The following PSMC3 variants were observed in gnomAD, a reference collection of about 807,000 sequenced individuals.
PSMC3 encodes the protein proteasome 26S subunit, ATPase 3, also known as 26S proteasome regulatory subunit 6A.
In PSMC3, 11 loss-of-function variants were observed where a neutral mutation model predicts 52.0. The observed-to-expected ratio is 0.21, with a 90% confidence interval of 0.13 to 0.35. The LOEUF (loss-of-function observed/expected upper bound fraction) is 0.35, where lower values mean the gene tolerates loss of function less well. Ranked by LOEUF, PSMC3 falls within the 10% of genes least tolerant of loss-of-function variation. The probability of loss-of-function intolerance (pLI) is 1.00; values close to 1 mark genes in which losing one functional copy is unlikely to be tolerated. For synonymous variants in PSMC3, 201 were observed against 218.8 expected (o/e 0.92, Z 0.72); for missense variants, 238 against 567.1 (o/e 0.42, Z 5.89).
At chr11:47,425,791 A>T in intron 2 of PSMC3, 76 bp downstream of exon 2, 1 of 1,329,958 alleles carries the variant, frequency 7.5e-7, no homozygotes, top group Non-Finnish European at 1.1e-6. Flanking sequence ...CCGATTAGGA[A>T]GTACGAGAGG....
At position 47,423,456 on chromosome 11, in the gene PSMC3, T is replaced by C. The variant is rs138504870; in HGVS notation, c.592-483A>G. On this transcript the variant is annotated intron_variant, in intron 6 of 11. Transcript: ENST00000298852. ...CACTCATCCCCACCCAGGCTGGCTA[T>C]GGACTCTCCAGGAACGGGAGTATAT... 4.5e-3 allele frequency among the ~76,000 whole-genome samples: 673 copies of C among 150,274 alleles called. 1 individual carries two copies. Among genetic ancestry groups the C allele is most frequent in the African/African-American group, 0.016 (657 of 40,946 alleles).
chr11:47,422,558 C>T lies in PSMC3; in HGVS notation c.884+16G>A, dbSNP rs1177459738. ...ACCGCCACAGAGATCGCTAGGGACCCTTGGCCCTCCCTTACCGCTTGGTGC... is the reference window on the plus strand; with the variant it reads ...ACCGCCACAGAGATCGCTAGGGACCTTTGGCCCTCCCTTACCGCTTGGTGC... On this transcript the variant is annotated intron_variant, in intron 8 of 11. Transcript: ENST00000298852. The surrounding 1 kb of genome is among the most constrained non-coding windows in gnomAD (Gnocchi z 4.3). The T allele has an allele frequency of 1.2e-6, 2 of 1,613,882 alleles. No individual in the cohort carries two copies. The highest frequency in any genetic ancestry group is 1.7e-6 in the Non-Finnish European group (2 of 1,179,864).
At position 47,425,967 on chromosome 11, in the gene PSMC3, G is replaced by T. The variant is rs1350038190; in HGVS notation, c.76-17C>A. 6.2e-7 allele frequency: 1 copy of T among 1,602,294 alleles called. No homozygotes were observed. Among genetic ancestry groups the T allele is most frequent in the Non-Finnish European group, 8.5e-7 (1 of 1,169,696 alleles). On this transcript the variant is annotated splice_polypyrimidine_tract_variant and intron_variant, in intron 1 of 11. Transcript: ENST00000298852. ...TCCATCTTGCTGTAAAAAATTATTT[G>T]TTTATTTATATATTTACTTTTACTC...
Position 47,425,861 on chromosome 11 carries a change from G to T in PSMC3, c.159+6C>A. 5 of 1,612,188 alleles carry T rather than the reference G, an allele frequency of 3.1e-6. No individual in the cohort carries two copies. Among genetic ancestry groups the T allele is most frequent in the Non-Finnish European group, 2.5e-6 (3 of 1,178,722 alleles). ...TCCATCGCCCGCACAGGAGCTGTGC[G>T]CCCACCTTGATCTCACTGTCCAGCA... is the stretch of plus-strand genomic sequence containing the variant. On this transcript the variant is annotated splice_donor_region_variant and intron_variant, in intron 2 of 11. Coordinates refer to ENST00000298852, the MANE Select transcript of PSMC3 (RefSeq NM_002804.5).
chr11:47,420,852 C>T (rs925097842), intron 8 of PSMC3, 125 bp from the exon 9 acceptor site: 9 of 764,470 alleles, frequency 1.2e-5, no homozygotes, highest in Non-Finnish European at 1.9e-5. Context: ...CAACTTGGGG[C>T]CCCCAGCCCA....
At position 47,426,243 on chromosome 11, in the gene PSMC3, G is replaced by GAGTCACTGGACTCTCA. The variant is rs1565677298; in HGVS notation, c.21_36dup (p.Arg13Ter). 1 of 1,559,462 alleles carries GAGTCACTGGACTCTCA rather than the reference G, an allele frequency of 6.4e-7. No homozygotes were observed. Among genetic ancestry groups the GAGTCACTGGACTCTCA allele is most frequent in the Admixed American group, 1.9e-5 (1 of 51,742 alleles). ...CACACGGTCGCCATCTTCTCCTGCC[G>GAGTCACTGGACTCTCA]AGTCACTGGACTCTCAATATTCGGC... On this transcript the variant is annotated stop_gained and frameshift_variant, in exon 1 of 12. Coordinates refer to ENST00000298852, the MANE Select transcript of PSMC3 (RefSeq NM_002804.5). LOFTEE classifies it high-confidence loss of function.
At chr11:47,420,493 C>A in intron 9 of PSMC3, 84 bp from the exon 10 acceptor site, 1 of 1,547,930 alleles carries the variant, frequency 6.5e-7, no homozygotes, top group Non-Finnish European at 8.8e-7. Context: ...GAGGCAGCCC[C>A]CAGAGTGCAG....
rs1230497574 is a variant in PSMC3, at chr11:47,424,743, C to T, written c.286-32G>A. ...AGGAAAAAATACTCAGCTCCTTGAA[C>T]TCCCCAAGGCCCAGTGCTTCCTAAG... On this transcript the variant is annotated intron_variant, in intron 3 of 11. Transcript: ENST00000298852. The surrounding 1 kb of genome is among the most constrained non-coding windows in gnomAD (Gnocchi z 4.8). 6 of 1,521,406 alleles carry T rather than the reference C, an allele frequency of 3.9e-6. No individual in the cohort carries two copies. The highest frequency in any genetic ancestry group is 2.7e-5 in the African/African-American group (2 of 72,852). The allele number at this position is 1,521,406 out of a possible 1,614,324, so 94.2% of individuals were successfully genotyped here. A position where few individuals can be genotyped will look rare whatever the true frequency, so the allele number is the denominator to read the frequency against.
At position 47,420,603 on chromosome 11, in the gene PSMC3, A is replaced by G. The variant is rs557853744; in HGVS notation, c.981+28T>C. The G allele has an allele frequency of 9.7e-6, 15 of 1,546,162 alleles. No homozygotes were observed. In the South Asian group the frequency reaches 1.2e-4, roughly 12 times the overall value. On this transcript the variant is annotated intron_variant, in intron 9 of 11. Transcript: ENST00000298852. ...CAGCTCCTGACCTCTGAGCCTCATCATCTTTGCCTGGGAGTGCTAATACTC... is the reference window on the plus strand; with the variant it reads ...CAGCTCCTGACCTCTGAGCCTCATCGTCTTTGCCTGGGAGTGCTAATACTC...
In PSMC3 at chr11:47,424,979, C is replaced by T. The variant is rs920768159; in HGVS notation, c.285+142G>A. On this transcript the variant is annotated intron_variant, in intron 3 of 11. Coordinates refer to ENST00000298852, the MANE Select transcript of PSMC3 (RefSeq NM_002804.5). This position sits in a 1 kb window ranked among gnomAD's most constrained non-coding sequence, Gnocchi z 4.8. The stretch of plus-strand genomic sequence containing the variant: ...CCAGGACTTTGCAGGCCCCGTCTTC[C>T]CCATGAAAGTGCCCCAGGAGGTGTA... 1 of 1,278,158 alleles carries T rather than the reference C, an allele frequency of 7.8e-7. No individual in the cohort carries two copies. The highest frequency in any genetic ancestry group is 1.1e-6 in the Non-Finnish European group (1 of 915,114). 79.2% of individuals were successfully genotyped at this position (1,278,158 alleles called of 1,614,324 possible). A position where few individuals can be genotyped will look rare whatever the true frequency, so the allele number is the denominator to read the frequency against.
intron 2 of PSMC3, chr11:47,425,462 T>C (rs895974768): frequency 2.8e-5 from 17 of 610,474 alleles, no homozygotes; most frequent in African/African-American, 1.5e-4. Context: ...AGTGGTAGTA[T>C]TGGAATAAAA....
At chr11:47,423,263 G>A (rs938746623) in intron 6 of PSMC3, among the ~76,000 whole-genome samples, 1 of 152,084 alleles carries the variant, frequency 6.6e-6, no homozygotes, top group African/African-American at 2.4e-5. Context: ...AGCCGGGCGG[G>A]GTGGTCGGGT....
intron 3 of PSMC3, 80 bp downstream of exon 3, chr11:47,425,041 A>G (rs2096044819): frequency 2.5e-6 from 4 of 1,587,668 alleles, no homozygotes; most frequent in Non-Finnish European, 3.4e-6. Flanking sequence ...ACCTCCACCC[A>G]CTCTTTCCCT....
At chr11:47,421,445 A>G (rs2096040369) in intron 8 of PSMC3, among the ~76,000 whole-genome samples, 1 of 152,004 alleles carries the variant, frequency 6.6e-6, no homozygotes, top group Admixed American at 6.6e-5. Context: ...GAAGGTTGAA[A>G]GCACACCAGC....
chr11:47,424,734 C>T lies in PSMC3; in HGVS notation c.286-23G>A. ...GAGCTGGGAAGGAAAAAATACTCAGCTCCTTGAACTCCCCAAGGCCCAGTG... is the reference window on the plus strand; with the variant it reads ...GAGCTGGGAAGGAAAAAATACTCAGTTCCTTGAACTCCCCAAGGCCCAGTG... On this transcript the variant is annotated intron_variant, in intron 3 of 11. Coordinates refer to ENST00000298852, the MANE Select transcript of PSMC3 (RefSeq NM_002804.5). This position sits in a 1 kb window ranked among gnomAD's most constrained non-coding sequence, Gnocchi z 4.8. 1 of 1,564,846 alleles carries T rather than the reference C, an allele frequency of 6.4e-7. No individual in the cohort carries two copies. Among genetic ancestry groups the T allele is most frequent in the Non-Finnish European group, 8.8e-7 (1 of 1,135,096 alleles).
chr11:47,419,003 C>T (rs1449194553), intron 11 of PSMC3, 58 bp from the exon 12 acceptor site: 2 of 1,607,556 alleles, frequency 1.2e-6, no homozygotes, highest in Non-Finnish European at 1.7e-6. Flanking sequence ...CCCTGGCTCC[C>T]TGAGGCTCAG....
At chr11:47,423,078 G>A (rs1248520445) in intron 6 of PSMC3, 105 bp from the exon 7 acceptor site, 15 of 1,201,842 alleles carry the variant, frequency 1.2e-5, no homozygotes, top group African/African-American at 1.5e-5. Flanking sequence ...CTCTAACTCA[G>A]GGACACGCCC....
Position 47,425,293 on chromosome 11 carries a change from T to A in PSMC3, c.160-47A>T, listed in dbSNP as rs1240276201. 1.9e-6 allele frequency: 3 copies of A among 1,610,426 alleles called. No homozygotes were observed. In the Admixed American group the frequency reaches 5.0e-5, roughly 27 times the overall value. ...AAGCAAATATAAACCCTGGCACAGC[T>A]TATGCTAGAGCCCTGTAACTAGTGA... On this transcript the variant is annotated intron_variant, in intron 2 of 11. Coordinates refer to ENST00000298852, the MANE Select transcript of PSMC3 (RefSeq NM_002804.5).
At chr11:47,420,134 G>A in intron 10 of PSMC3, 130 bp downstream of exon 10, 6 of 1,094,058 alleles carry the variant, frequency 5.5e-6, no homozygotes, top group Non-Finnish European at 6.8e-6. Context: ...GTGTGGAACG[G>A]TGCTGTGTGT....
Sources: allele counts gnomAD v4.1 joint callset (sites outside exome capture counted in the v4.1 genomes callset), GRCh38; gene constraint gnomAD v4.1.1; non-coding constraint Gnocchi (gnomAD v3.1); transcripts MANE v1.5; gene names NCBI Gene and HGNC (gene_info 2026-07-23, HGNC 2026-07-21).